The following CDKAL1 variants were observed in gnomAD, a reference collection of about 807,000 sequenced individuals.
CDKAL1 encodes CDKAL1 threonylcarbamoyladenosine tRNA methylthiotransferase, also known as threonylcarbamoyladenosine tRNA methylthiotransferase.
CDKAL1 carries 32 observed loss-of-function variants against 68.2 expected under a neutral mutation model. The ratio of observed to expected loss-of-function variants is 0.47; its 90% CI spans 0.35 to 0.63. The LOEUF is 0.63. CDKAL1 is among the 30% of genes least tolerant of loss of function. CDKAL1 has a pLI of 0.00. For missense variants in CDKAL1, 606 were observed against 696.7 expected (o/e 0.87, Z 1.47); for synonymous variants, 234 against 244.3 (o/e 0.96, Z 0.39).
chr6:20,622,407 T>C (rs1767234465), intron 4 of CDKAL1, among the ~76,000 whole-genome samples: 1 of 152,176 alleles, frequency 6.6e-6, no homozygotes, highest in South Asian at 2.1e-4. Context: ...TATTTGAGAA[T>C]TATATCTGTT....
At chr6:21,023,471 T>C (rs184606474) in intron 11 of CDKAL1, among the ~76,000 whole-genome samples, 5 of 152,308 alleles carry the variant, frequency 3.3e-5, no homozygotes, top group Admixed American at 3.3e-4. Context: ...TTTCTGTAAA[T>C]TAGTTTTTGG....
At chr6:21,221,665 G>C (rs1441404683) in intron 15 of CDKAL1, among the ~76,000 whole-genome samples, 1 of 152,182 alleles carries the variant, frequency 6.6e-6, no homozygotes, top group African/African-American at 2.4e-5. Flanking sequence ...GGGGAAAAAA[G>C]CCTGTTCTAA....
intron 13 of CDKAL1, among the ~76,000 whole-genome samples, chr6:21,186,379 G>A (rs1433537277): frequency 2.6e-5 from 4 of 152,080 alleles, no homozygotes; most frequent in Non-Finnish European, 5.9e-5. Context: ...TATTTTGGAC[G>A]TTCATTTTTG....
intron 5 of CDKAL1, among the ~76,000 whole-genome samples, chr6:20,709,148 T>G (rs1230588583): frequency 6.6e-6 from 1 of 152,100 alleles, no homozygotes; most frequent in Non-Finnish European, 1.5e-5. Flanking sequence ...ATAGAAATGC[T>G]TTAGTTTTCT....
chr6:20,762,317 A>G (rs1008275878), intron 7 of CDKAL1, among the ~76,000 whole-genome samples: 2 of 152,170 alleles, frequency 1.3e-5, no homozygotes, highest in African/African-American at 4.8e-5. Flanking sequence ...GGGGATATTC[A>G]TTGGCAGGTT....
At chr6:20,965,951 C>T (rs1765288256) in intron 10 of CDKAL1, among the ~76,000 whole-genome samples, 1 of 152,216 alleles carries the variant, frequency 6.6e-6, no homozygotes, top group Admixed American at 6.5e-5. Context: ...TTCTATTCTA[C>T]GATCCTCTCG....
chr6:20,593,936 C>G (rs1374215200), intron 4 of CDKAL1, among the ~76,000 whole-genome samples: 2 of 152,084 alleles, frequency 1.3e-5, no homozygotes, highest in Non-Finnish European at 2.9e-5. Context: ...TGTTATTTAC[C>G]CAGAGTCATT....
intron 9 of CDKAL1, among the ~76,000 whole-genome samples, chr6:20,857,156 C>T (rs969492791): frequency 5.9e-5 from 9 of 152,032 alleles, no homozygotes; most frequent in South Asian, 2.1e-4. Context: ...TTTTATTTCT[C>T]GTGGTGAGTT....
intron 13 of CDKAL1, among the ~76,000 whole-genome samples, chr6:21,188,307 T>C (rs1778096041): frequency 6.6e-6 from 1 of 152,206 alleles, no homozygotes; most frequent in Admixed American, 6.5e-5. Flanking sequence ...GTCTAATAAT[T>C]TATATTTCCT....
At chr6:20,581,556 C>G (rs1765144872) in intron 4 of CDKAL1, among the ~76,000 whole-genome samples, 1 of 152,126 alleles carries the variant, frequency 6.6e-6, no homozygotes. Flanking sequence ...GTTTCATTAA[C>G]TTTCACTTTT....
At chr6:20,693,128 T>C (rs1339458594) in intron 5 of CDKAL1, among the ~76,000 whole-genome samples, 1 of 38,408 alleles carries the variant, frequency 2.6e-5, no homozygotes, top group African/African-American at 1.3e-4. Flanking sequence ...AGACTCTGTC[T>C]CAAAAAAAAA....
intron 9 of CDKAL1, among the ~76,000 whole-genome samples, chr6:20,852,087 A>C (rs1759045768): frequency 6.6e-6 from 1 of 152,170 alleles, no homozygotes; most frequent in African/African-American, 2.4e-5. Context: ...GATGCAATTT[A>C]CATGTTTGTT....
intron 8 of CDKAL1, among the ~76,000 whole-genome samples, chr6:20,842,013 T>C (rs768729715): frequency 1.3e-5 from 2 of 152,232 alleles, no homozygotes; most frequent in Non-Finnish European, 2.9e-5. Context: ...TCAAAGATCT[T>C]TTGTTTTCTG....
At chr6:20,902,312 C>T (rs1256151987) in intron 9 of CDKAL1, among the ~76,000 whole-genome samples, 7 of 1,234 alleles carry the variant, frequency 5.7e-3, no homozygotes, top group Middle Eastern at 0.17. Context: ...GTGGTGGATT[C>T]ACACACACAC....
chr6:20,979,123 T>A (rs1561932020), intron 10 of CDKAL1, among the ~76,000 whole-genome samples: 6 of 152,156 alleles, frequency 3.9e-5, no homozygotes, highest in Admixed American at 3.3e-4. Context: ...GTATAAACAA[T>A]CTAGAGTTGA....
At chr6:21,170,682 A>T (rs912475225) in intron 13 of CDKAL1, among the ~76,000 whole-genome samples, 2 of 152,186 alleles carry the variant, frequency 1.3e-5, no homozygotes, top group African/African-American at 4.8e-5. Flanking sequence ...ATTAAAAAAA[A>T]GTCATGACAC....
intron 5 of CDKAL1, among the ~76,000 whole-genome samples, chr6:20,675,672 C>G (rs1038437224): frequency 2.6e-5 from 4 of 152,086 alleles, no homozygotes; most frequent in Admixed American, 1.3e-4. Context: ...AAAAGTATAG[C>G]ACGTACAATC....
intron 13 of CDKAL1, among the ~76,000 whole-genome samples, chr6:21,164,031 CT>C (rs1333480348): frequency 1.3e-5 from 2 of 151,988 alleles, no homozygotes; most frequent in Non-Finnish European, 2.9e-5. Flanking sequence ...AGCATTGCCC[CT>C]CTACCTAGCT....
chr6:20,785,737 C>G (rs553761265), intron 8 of CDKAL1, among the ~76,000 whole-genome samples: 2 of 152,242 alleles, frequency 1.3e-5, no homozygotes, highest in East Asian at 3.9e-4. Flanking sequence ...AATCCTCACA[C>G]TTTTCAAAAT....
Sources: gnomAD v4.1 joint callset for allele counts (sites outside exome capture counted in the v4.1 genomes callset) on GRCh38, gnomAD v4.1.1 for gene constraint, MANE v1.5 for transcripts, NCBI Gene and HGNC (gene_info 2026-07-23, HGNC 2026-07-21) for gene names.